BICRA: variants seen among roughly 807,000 people sequenced by gnomAD.
The protein encoded by BICRA is BRD4 interacting chromatin remodeling complex associated protein.
In BICRA, 31 loss-of-function variants were observed where a neutral mutation model predicts 96.9. That is an observed-to-expected ratio of 0.32 (90% CI 0.24 to 0.43). The LOEUF is 0.43. Ranked by LOEUF, BICRA falls within the 20% of genes least tolerant of loss-of-function variation. The probability of loss-of-function intolerance (pLI) is 1.00; values close to 1 mark genes in which losing one functional copy is unlikely to be tolerated. For synonymous variants in BICRA, 1,350 were observed against 1,071.8 expected (o/e 1.26, Z -5.07); for missense variants, 2,283 against 2,190.3 (o/e 1.04, Z -0.84).
intron 1 of BICRA, among the ~76,000 whole-genome samples, chr19:47,630,042 C>G (rs1170930287): frequency 3.9e-5 from 6 of 152,072 alleles, no homozygotes; most frequent in Non-Finnish European, 8.8e-5. Context: ...TTATCCATTA[C>G]CAGAACCTTT....
chr19:47,669,986 C>A (rs1216257459), intron 1 of BICRA, among the ~76,000 whole-genome samples: 2 of 151,512 alleles, frequency 1.3e-5, no homozygotes, highest in African/African-American at 4.9e-5. Context: ...CAGGGTCTCA[C>A]TGTCGCCCAG....
chr19:47,694,596 C>G lies in BICRA; in HGVS notation c.2765C>G (p.Pro922Arg). ...CAGGGGCCCCACAAGTCCCCCACTC[C>G]CCCTCCAACCCTCCACCTGGTCCCT... The part of the protein sequence containing the change: ...PSQGPHKSPT[P>R]PPTLHLVPEP... The change falls in exon 8 of 15, where the codon CCC becomes CGC. Residue 922 changes from proline to arginine, a missense_variant. Pro to Arg is a moderately radical substitution (Grantham distance 103, BLOSUM62 -2). Transcript: ENST00000594866. 6.4e-7 allele frequency: 1 copy of G among 1,564,240 alleles called. No individual in the cohort carries two copies. The highest frequency in any genetic ancestry group is 1.4e-5 in the African/African-American group (1 of 73,824).
At chr19:47,629,969 T>G (rs1443181709) in intron 1 of BICRA, among the ~76,000 whole-genome samples, 1 of 151,820 alleles carries the variant, frequency 6.6e-6, no homozygotes, top group Non-Finnish European at 1.5e-5. Context: ...CCACCCATTT[T>G]AGCTCTTTTT....
At chr19:47,697,294 G>T (rs1973361289) in intron 11 of BICRA, among the ~76,000 whole-genome samples, 1 of 149,980 alleles carries the variant, frequency 6.7e-6, no homozygotes, top group South Asian at 2.2e-4. Context: ...CACCATGAGT[G>T]TTTTTTTAAA....
At position 47,682,086 on chromosome 19, in the gene BICRA, C is replaced by T. The variant is rs573199444; in HGVS notation, c.2217C>T (p.Val739=). 6.6e-6 allele frequency: 10 copies of T among 1,518,136 alleles called. No individual in the cohort carries two copies. Among genetic ancestry groups the T allele is most frequent in the South Asian group, 5.9e-5 (5 of 84,064 alleles). The allele number at this position is 1,518,136 out of a possible 1,614,324, so 94.0% of individuals were successfully genotyped here. Residue 739 remains valine, a synonymous_variant, in exon 7 of 15, where the codon GTC becomes GTT. Coordinates refer to ENST00000594866, the MANE Select transcript of BICRA (RefSeq NM_001394372.1). The part of the protein sequence containing the change: ...PAQDPAPATP[V]AKGAGLGPQA... ...AAGACCCAGCCCCAGCCACCCCCGT[C>T]GCCAAAGGAGCTGGCCTCGGCCCTC...
rs192514945 is a variant in BICRA at position 47,642,345 on chromosome 19, C to T, written c.-107-28098C>T. Among the ~76,000 whole-genome samples, 323 of 152,290 alleles carry T rather than the reference C, an allele frequency of 2.1e-3. 2 individuals are homozygous for T. Among genetic ancestry groups the T allele is most frequent in the African/African-American group, 7.3e-3 (304 of 41,552 alleles). ...TGTGTGGACCTATGCTATCATTTCT[C>T]TTGGGCAAATACCTAGAAGTGGATT... On this transcript the variant is annotated intron_variant, in intron 1 of 14. Coordinates refer to ENST00000594866, the MANE Select transcript of BICRA (RefSeq NM_001394372.1).
At chr19:47,637,151 G>A (rs1047824438) in intron 1 of BICRA, among the ~76,000 whole-genome samples, 5 of 151,336 alleles carry the variant, frequency 3.3e-5, no homozygotes, top group Admixed American at 1.3e-4. Flanking sequence ...AGGGAGTCTC[G>A]CTCTGTCACC....
Position 47,680,468 on chromosome 19 carries a change from G to A in BICRA, c.1298G>A (p.Gly433Glu). Reference protein sequence around the residue: ...VFKQPPATTTGAAPPQPPGAL... With the variant: ...VFKQPPATTTEAAPPQPPGAL... ...AAGCAGCCACCGGCCACCACCACCGGAGCGGCCCCGCCGCAGCCCCCCGGG... is the reference window on the plus strand; with the variant it reads ...AAGCAGCCACCGGCCACCACCACCGAAGCGGCCCCGCCGCAGCCCCCCGGG... The change falls in exon 6 of 15, where the codon GGA (glycine) becomes GAA (glutamate). Residue 433 changes from glycine (G) to glutamate (E), a missense_variant. Physicochemically the swap from Gly to Glu is moderately conservative, Grantham distance 98. Transcript: ENST00000594866. The A allele has an allele frequency of 6.5e-7, 1 of 1,540,202 alleles. No individual in the cohort carries two copies. Among genetic ancestry groups the A allele is most frequent in the Non-Finnish European group, 8.7e-7 (1 of 1,145,638 alleles).
intron 2 of BICRA, among the ~76,000 whole-genome samples, chr19:47,672,581 A>ATGGATGGG (rs1972883645): frequency 6.7e-6 from 1 of 149,374 alleles, no homozygotes; most frequent in Admixed American, 6.7e-5. Context: ...AAAGAAGTGG[A>ATGGATGGG]TGGATGGATG....
In BICRA at chr19:47,680,400, G is replaced by A. The variant is rs1211248506; in HGVS notation, c.1230G>A (p.Val410=). The A allele has an allele frequency of 3.3e-6, 5 of 1,534,234 alleles. No individual in the cohort carries two copies. In the South Asian group the frequency reaches 3.6e-5, roughly 11 times the overall value. The stretch of plus-strand genomic sequence containing the variant: ...CGGGGAAGGCGGGCCAGAACGTGGT[G>A]CTGTCGGGCTTCCCCGCGCCTGCGC... ...MAAGKAGQNV[V]LSGFPAPALQ... is the part of the protein sequence containing the mutation. Residue 410 remains valine (V), a synonymous_variant, in exon 6 of 15, where the codon GTG becomes GTA. Coordinates refer to ENST00000594866, the MANE Select transcript of BICRA (RefSeq NM_001394372.1).
Position 47,675,873 on chromosome 19 carries a change from A to C in BICRA, c.107A>C (p.Asp36Ala). 6.2e-7 allele frequency: 1 copy of C among 1,608,578 alleles called. No homozygotes were observed. Among genetic ancestry groups the C allele is most frequent in the East Asian group, 2.2e-5 (1 of 44,704 alleles). The change falls in exon 5 of 15, where the codon GAT becomes GCT. Residue 36 changes from aspartate (D) to alanine (A), a missense_variant. Coordinates refer to ENST00000594866, the MANE Select transcript of BICRA (RefSeq NM_001394372.1). This position sits in a 1 kb window ranked among gnomAD's most constrained non-coding sequence, Gnocchi z 4.7. ...CAGCTTGACAGTGATGACCTCCTGG[A>C]TAATCCCGGGGAGGCCCAAAGTGCC... Reference protein sequence around the residue: ...SEKLDSDDLLDNPGEAQSAFY... With the variant: ...SEKLDSDDLLANPGEAQSAFY...
Position 47,695,418 on chromosome 19 carries a change from A to G in BICRA, c.3130A>G (p.Thr1044Ala), listed in dbSNP as rs13346368. ...CAAGGCTTTTGCCAGCAACCTCCCGACCCTGAATGTGGCCAAGGCCGCTTC... is the reference window on the plus strand; with the variant it reads ...CAAGGCTTTTGCCAGCAACCTCCCGGCCCTGAATGTGGCCAAGGCCGCTTC... ...ENKAFASNLPTLNVAKAASSG... is the reference protein window; with the variant it reads ...ENKAFASNLPALNVAKAASSG... The change falls in exon 10 of 15, where the codon ACC (threonine) becomes GCC (alanine). Residue 1044 changes from threonine to alanine, a missense_variant. By Grantham distance (58) the Thr-to-Ala change is moderately conservative. Coordinates refer to ENST00000594866, the MANE Select transcript of BICRA (RefSeq NM_001394372.1). 0.28 allele frequency: 427,497 copies of G among 1,518,932 alleles called. 58,662 individuals are homozygous for G. The highest frequency in any genetic ancestry group is 0.34 in the African/African-American group (23,642 of 68,994). 94.1% of individuals were successfully genotyped at this position (1,518,932 alleles called of 1,614,324 possible). A position where few individuals can be genotyped will look rare whatever the true frequency, so the allele number is the denominator to read the frequency against.
At position 47,694,652 on chromosome 19, in the gene BICRA, C is replaced by T. The variant is rs778947954; in HGVS notation, c.2821C>T (p.Arg941Trp). The T allele has an allele frequency of 1.0e-5, 16 of 1,594,320 alleles. No homozygotes were observed. Among genetic ancestry groups the T allele is most frequent in the East Asian group, 9.0e-5 (4 of 44,546 alleles). Reference protein sequence around the residue: ...EPAAPPPPPPRTFQMVTTPFP... With the variant: ...EPAAPPPPPPWTFQMVTTPFP... ...GGCAGCACCCCCCCCACCGCCTCCTCGGACCTTCCAGATGGTGACCACCCC... is the reference window on the plus strand; with the variant it reads ...GGCAGCACCCCCCCCACCGCCTCCTTGGACCTTCCAGATGGTGACCACCCC... Residue 941 changes from arginine (R) to tryptophan (W), a missense_variant, in exon 8 of 15, where the codon CGG becomes TGG. Coordinates refer to ENST00000594866, the MANE Select transcript of BICRA (RefSeq NM_001394372.1).
chr19:47,641,257 G>GTA lies in BICRA; in HGVS notation c.-107-29185_-107-29184dup, dbSNP rs1193337251. Reference sequence around the variant, plus strand: ...TAAACTTTACTTAGGTATAATTTATGTACAGTGTGACACACCCATTTAAAA... The same window carrying GTA: ...TAAACTTTACTTAGGTATAATTTATGTATACAGTGTGACACACCCATTTAAAA... On this transcript the variant is annotated intron_variant, in intron 1 of 14. Coordinates refer to ENST00000594866, the MANE Select transcript of BICRA (RefSeq NM_001394372.1). 3.3e-5 allele frequency among the ~76,000 whole-genome samples: 5 copies of GTA among 151,654 alleles called. No individual in the cohort carries two copies. In the South Asian group the frequency reaches 1.0e-3, roughly 32 times the overall value.
chr19:47,695,801 G>A (rs933896787), intron 10 of BICRA, among the ~76,000 whole-genome samples: 2 of 152,150 alleles, frequency 1.3e-5, no homozygotes, highest in Admixed American at 6.6e-5. Context: ...ATGACAAGAT[G>A]TGAGCTCAGG....
intron 7 of BICRA, among the ~76,000 whole-genome samples, chr19:47,691,853 G>A (rs1973245966): frequency 6.6e-6 from 1 of 152,158 alleles, no homozygotes; most frequent in South Asian, 2.1e-4. Context: ...GAGCCACCGC[G>A]GCCAGCCTAC....
At chr19:47,638,729 C>T (rs1972338772) in intron 1 of BICRA, among the ~76,000 whole-genome samples, 1 of 152,092 alleles carries the variant, frequency 6.6e-6, no homozygotes, top group South Asian at 2.1e-4. Context: ...AATCTCGGCT[C>T]ACTGCAACCC....
chr19:47,648,912 C>A (rs1299292108), intron 1 of BICRA, among the ~76,000 whole-genome samples: 1 of 150,022 alleles, frequency 6.7e-6, no homozygotes, highest in Non-Finnish European at 1.5e-5. Flanking sequence ...AGTGCAGTGG[C>A]ACGATCTTGG....
chr19:47,616,674 A>C (rs78813413), intron 1 of BICRA, among the ~76,000 whole-genome samples: 2 of 150,952 alleles, frequency 1.3e-5, no homozygotes, highest in East Asian at 3.9e-4. Context: ...CCAAATACCC[A>C]CTGGGCCACA....
Sources: allele counts gnomAD v4.1 joint callset (sites outside exome capture counted in the v4.1 genomes callset), GRCh38; gene constraint gnomAD v4.1.1; non-coding constraint Gnocchi (gnomAD v3.1); transcripts MANE v1.5; gene names NCBI Gene and HGNC (gene_info 2026-07-23, HGNC 2026-07-21).